Variants in WASHC3 observed in about 807,000 individuals in gnomAD.
WASHC3 encodes WASH complex subunit 3.
A neutral mutation model predicts 26.1 loss-of-function variants in WASHC3; 24 were observed. The observed-to-expected ratio is 0.92, with a 90% CI of 0.66 to 1.29. The LOEUF (loss-of-function observed/expected upper bound fraction) is 1.29, where lower values mean the gene tolerates loss of function less well. Among genes scored for constraint, WASHC3 ranks in the 50% most tolerant of loss-of-function variants. The probability of loss-of-function intolerance (pLI) is 0.00; values close to 1 mark genes in which losing one functional copy is unlikely to be tolerated. For missense variants in WASHC3, 214 were observed against 229.6 expected (o/e 0.93, Z 0.44); for synonymous variants, 77 against 75.7 (o/e 1.02, Z -0.09).
At chr12:102,044,629 GA>G (rs946298754) in intron 3 of WASHC3, among the ~76,000 whole-genome samples, 12 of 151,352 alleles carry the variant, frequency 7.9e-5, no homozygotes, top group Admixed American at 2.6e-4. Context: ...ATAATACTTC[GA>G]AAAAAAAGGG....
Position 102,012,959 on chromosome 12 carries a change from TTTA to T in WASHC3, c.*146_*148del. The T allele has an allele frequency of 3.9e-6, 2 of 508,736 alleles. No individual in the cohort carries two copies. Among genetic ancestry groups the T allele is most frequent in the Admixed American group, 3.7e-5 (1 of 26,868 alleles). 31.5% of individuals were successfully genotyped at this position (508,736 alleles called of 1,614,324 possible). A position where few individuals can be genotyped will look rare whatever the true frequency, so the allele number is the denominator to read the frequency against. On this transcript the variant is annotated 3_prime_UTR_variant, in exon 7 of 7. Coordinates refer to ENST00000240079, the MANE Select transcript of WASHC3 (RefSeq NM_016053.4). ...AGACATACTGGCAGGTTAAAACTGC[TTTA>T]TTATTATTTTTTTAACATAGAAGAA... is the stretch of plus-strand genomic sequence containing the variant.
chr12:102,019,270 AACTC>A (rs1876849845), intron 6 of WASHC3: 1 of 231,772 alleles, frequency 4.3e-6, no homozygotes, highest in Non-Finnish European at 8.9e-6. Flanking sequence ...GTAATAATAA[AACTC>A]ACAGCAATAC....
At chr12:102,048,576 A>T (rs558476389) in intron 2 of WASHC3, among the ~76,000 whole-genome samples, 1 of 152,276 alleles carries the variant, frequency 6.6e-6, no homozygotes, top group South Asian at 2.1e-4. Flanking sequence ...AAGAAAAAAA[A>T]AAGAAAAAGA....
chr12:102,048,143 C>T (rs1046610845), intron 2 of WASHC3: 6 of 152,176 alleles, frequency 3.9e-5, no homozygotes, highest in Non-Finnish European at 7.4e-5. Flanking sequence ...AAGCCTTTTG[C>T]TCTTCTGATT....
intron 2 of WASHC3, chr12:102,050,300 A>G (rs1405338686): frequency 2.2e-6 from 1 of 454,114 alleles, no homozygotes; most frequent in Non-Finnish European, 4.4e-6. Flanking sequence ...GTCTGACAAA[A>G]AAACAACAAA....
chr12:102,019,754 C>T (rs1876870053), intron 6 of WASHC3, among the ~76,000 whole-genome samples: 1 of 152,158 alleles, frequency 6.6e-6, no homozygotes, highest in Non-Finnish European at 1.5e-5. Flanking sequence ...AAGCTAATTA[C>T]TAAGTCTAAA....
chr12:102,019,318 G>T, intron 6 of WASHC3: 2 of 319,104 alleles, frequency 6.3e-6, no homozygotes, highest in African/African-American at 2.3e-5. Flanking sequence ...ATATTTTCAA[G>T]GGGAACAGAA....
chr12:102,018,813 C>CTTAT (rs112741805), intron 6 of WASHC3, among the ~76,000 whole-genome samples: 281 of 150,824 alleles, frequency 1.9e-3, no homozygotes, highest in African/African-American at 5.9e-3. Flanking sequence ...GAGATGAAGT[C>CTTAT]TTATTTATTT....
intron 5 of WASHC3, among the ~76,000 whole-genome samples, chr12:102,032,381 G>C (rs1312811223): frequency 6.6e-6 from 1 of 152,120 alleles, no homozygotes; most frequent in East Asian, 1.9e-4. Context: ...TACTGGCAGA[G>C]GATTCACCAT....
At chr12:102,016,243 C>T (rs893039613) in intron 6 of WASHC3, among the ~76,000 whole-genome samples, 3 of 151,804 alleles carry the variant, frequency 2.0e-5, no homozygotes, top group African/African-American at 4.8e-5. Flanking sequence ...CTTGCTCTGT[C>T]ACCCAGGCTA....
At chr12:102,036,450 CACAATAAACTAAAA>C (rs1471683699) in intron 5 of WASHC3, among the ~76,000 whole-genome samples, 3 of 151,104 alleles carry the variant, frequency 2.0e-5, no homozygotes, top group African/African-American at 7.3e-5. Flanking sequence ...TGCAGGTTGG[CACAATAAACTAAAA>C]ACAATAAAAT....
chr12:102,017,565 T>C (rs1318723366), intron 6 of WASHC3, among the ~76,000 whole-genome samples: 1 of 152,156 alleles, frequency 6.6e-6, no homozygotes, highest in East Asian at 1.9e-4. Context: ...ATTCAGAAAC[T>C]GTAAGTCATT....
Position 102,061,280 on chromosome 12 carries a change from A to G in WASHC3, c.118T>C (p.Phe40Leu). Reference sequence around the variant, plus strand: ...CAAACTGTAGAAAAGCGGTTGAGGAACTGTACAGTGTGCACCACAAATTGG... The same window carrying G: ...CAAACTGTAGAAAAGCGGTTGAGGAGCTGTACAGTGTGCACCACAAATTGG... ...LNQFVVHTVQ[F>L]LNRFSTVCEE... is the part of the protein sequence containing the mutation. The change falls in exon 2 of 7, where the codon TTC becomes CTC. Residue 40 changes from phenylalanine (F) to leucine (L), a missense_variant. Phe to Leu is a conservative substitution (Grantham distance 22, BLOSUM62 0). Transcript: ENST00000240079. 1 of 1,612,610 alleles carries G rather than the reference A, an allele frequency of 6.2e-7. No homozygotes were observed. The highest frequency in any genetic ancestry group is 8.5e-7 in the Non-Finnish European group (1 of 1,178,728).
intron 2 of WASHC3, among the ~76,000 whole-genome samples, chr12:102,046,914 A>C (rs1414946011): frequency 6.6e-6 from 1 of 152,224 alleles, no homozygotes; most frequent in Admixed American, 6.5e-5. Flanking sequence ...AGATTTAAAC[A>C]TCTGTAGTTT....
At chr12:102,044,885 T>G (rs1376480754) in intron 3 of WASHC3, among the ~76,000 whole-genome samples, 1 of 152,180 alleles carries the variant, frequency 6.6e-6, no homozygotes, top group Non-Finnish European at 1.5e-5. Context: ...ATACAAACCT[T>G]CTTTTCTGAG....
At chr12:102,033,413 AT>A (rs1312584184) in intron 5 of WASHC3, among the ~76,000 whole-genome samples, 1 of 152,168 alleles carries the variant, frequency 6.6e-6, no homozygotes, top group African/African-American at 2.4e-5. Flanking sequence ...AGGAGAAATG[AT>A]TAAAAGATTG....
At chr12:102,019,093 C>T (rs2121325740) in intron 6 of WASHC3, among the ~76,000 whole-genome samples, 1 of 152,332 alleles carries the variant, frequency 6.6e-6, no homozygotes, top group Non-Finnish European at 1.5e-5. Flanking sequence ...GCCACCGCGG[C>T]TGGCCCCCTC....
chr12:102,053,022 C>T (rs552493540), intron 2 of WASHC3, among the ~76,000 whole-genome samples: 1 of 152,168 alleles, frequency 6.6e-6, no homozygotes, highest in South Asian at 2.1e-4. Context: ...AGTCTGGGAC[C>T]ACCCCAGTAG....
At chr12:102,019,363 T>A (rs761104195) in intron 6 of WASHC3, 1 of 391,540 alleles carries the variant, frequency 2.6e-6, no homozygotes, top group African/African-American at 2.1e-5. Flanking sequence ...TAAATGTTCT[T>A]ACTTCACCCT....
Sources: gnomAD v4.1 joint callset for allele counts (sites outside exome capture counted in the v4.1 genomes callset) on GRCh38, gnomAD v4.1.1 for gene constraint, MANE v1.5 for transcripts, NCBI Gene and HGNC (gene_info 2026-07-23, HGNC 2026-07-21) for gene names.